SUN1: variants seen among roughly 807,000 people sequenced by gnomAD.
SUN1 encodes the protein Sad1 and UNC84 domain containing 1, also known as SUN domain-containing protein 1.
SUN1 carries 61 observed loss-of-function variants against 103.2 expected under a neutral mutation model. The ratio of observed to expected loss-of-function variants is 0.59; its 90% CI spans 0.48 to 0.73. The LOEUF (loss-of-function observed/expected upper bound fraction) is 0.73, where lower values mean the gene tolerates loss of function less well. Among genes scored for constraint, SUN1 ranks in the 30% least tolerant of loss-of-function variants. The pLI is 0.00. For synonymous variants in SUN1, 490 were observed against 425.7 expected (o/e 1.15, Z -1.86); for missense variants, 1,052 against 1,034.6 (o/e 1.02, Z -0.23).
At chr7:832,073 T>A (rs1798492441), upstream of SUN1, 1 of 993,028 alleles carries the variant, frequency 1.0e-6, no homozygotes, top group Non-Finnish European at 1.2e-6. Context: ...TAGGAACGCA[T>A]ACGCTGCTGC....
intron 14 of SUN1, among the ~76,000 whole-genome samples, chr7:860,821 T>G (rs1055238477): frequency 1.3e-4 from 20 of 152,196 alleles, no homozygotes; most frequent in African/African-American, 4.8e-4. Context: ...AGCAAAGTCG[T>G]GTCTTATATG....
intron 1 of SUN1, among the ~76,000 whole-genome samples, chr7:818,344 C>T (rs1367061709): frequency 1.3e-5 from 2 of 152,190 alleles, no homozygotes; most frequent in Non-Finnish European, 2.9e-5. Flanking sequence ...TCAGAGTTCA[C>T]GCATGTTGTA....
intron 1 of SUN1, among the ~76,000 whole-genome samples, chr7:818,565 G>C (rs1194149477): frequency 6.6e-6 from 1 of 152,190 alleles, no homozygotes; most frequent in Admixed American, 6.5e-5. Context: ...CCAAGGAATG[G>C]AGTTGCCAGG....
At chr7:866,180 A>T in intron 16 of SUN1, 113 bp downstream of exon 16, 2 of 870,844 alleles carry the variant, frequency 2.3e-6, no homozygotes, top group Non-Finnish European at 3.7e-6. Context: ...ACGTCTGTGG[A>T]ACTGGTACCA....
chr7:850,774 A>AAAAG (rs915566595), intron 5 of SUN1: 2 of 148,312 alleles, frequency 1.3e-5, no homozygotes, highest in South Asian at 4.2e-4. Context: ...AATTAAAAAA[A>AAAAG]AAAAAAAACA....
At chr7:828,113 A>T (rs1044393161), upstream of SUN1, among the ~76,000 whole-genome samples, 33 of 150,262 alleles carry the variant, frequency 2.2e-4, no homozygotes, top group Non-Finnish European at 7.4e-5. Flanking sequence ...CATGTTGCCC[A>T]GGCTGGTCTC....
At chr7:849,837 A>T (rs184834051) in intron 5 of SUN1, 3 of 1,394,706 alleles carry the variant, frequency 2.2e-6, no homozygotes. Flanking sequence ...CCCAGTTTCT[A>T]CAGACTGCCA....
chr7:830,918 G>C (rs1019119287), upstream of SUN1: 1 of 984,478 alleles, frequency 1.0e-6, no homozygotes, highest in African/African-American at 1.7e-5. Flanking sequence ...GCTGGGTTCT[G>C]CAGAAGCTGC....
rs77058871 is a variant in SUN1 at position 860,183 on chromosome 7, G to T, written c.1580G>T (p.Gly527Val). Residue 527 changes from glycine (G) to valine (V), a missense_variant, in exon 14 of 19, where the codon GGC (glycine) becomes GTC (valine). Physicochemically the swap from Gly to Val is moderately radical, Grantham distance 109 (BLOSUM62 -3). Coordinates refer to ENST00000401592, the MANE Select transcript of SUN1 (RefSeq NM_001130965.3). ...VKLLFSEDQQ[G>V]GSLEQLLQRF... ...CTCCTGTTTTCCGAAGATCAGCAAG[G>T]CGGTTCTCTGGAACAGCTGCTGCAG... 3.3e-3 allele frequency: 5,330 copies of T among 1,614,216 alleles called. 309 individuals carry two copies. The East Asian group carries it at 0.1, about 32-fold the overall frequency.
chr7:868,343 G>A, intron 16 of SUN1: 1 of 216,172 alleles, frequency 4.6e-6, no homozygotes, highest in Non-Finnish European at 9.3e-6. Flanking sequence ...GGAGGTGGGG[G>A]TGCGATCGCA....
chr7:843,869 G>A, intron 5 of SUN1: 1 of 1,316,090 alleles, frequency 7.6e-7, no homozygotes, highest in Non-Finnish European at 9.7e-7. Flanking sequence ...CTGAAGGAGT[G>A]GCTTTGGGAC....
At chr7:854,824 T>G (rs1421490773) in intron 10 of SUN1, 96 bp from the exon 11 acceptor site, 3 of 803,014 alleles carry the variant, frequency 3.7e-6, no homozygotes, top group East Asian at 2.5e-5. Context: ...GATTCTCTGA[T>G]TGTCGGTATT....
At position 874,677 on chromosome 7, in the gene SUN1, G is replaced by A. The variant is rs959834323; in HGVS notation, c.*1346G>A. ...TGTACAGATGTTTCATATATTACAG[G>A]TTACATATATAAATCAAAATTTCCT... On this transcript the variant is annotated 3_prime_UTR_variant, in exon 19 of 19. Coordinates refer to ENST00000401592, the MANE Select transcript of SUN1 (RefSeq NM_001130965.3). The A allele has an allele frequency of 1.3e-5, 2 of 152,132 alleles. No homozygotes were observed. The highest frequency in any genetic ancestry group is 6.5e-5 in the Admixed American group (1 of 15,278). The allele number at this position is 152,132 out of a possible 1,614,324, so 9.4% of individuals were successfully genotyped here.
chr7:824,655 C>T (rs559462019), intron 1 of SUN1, among the ~76,000 whole-genome samples: 8 of 152,296 alleles, frequency 5.3e-5, no homozygotes, highest in African/African-American at 1.2e-4. Context: ...ACGTGATCAT[C>T]GGTCTTCTGG....
chr7:859,165 AAAAG>A (rs951022439), intron 13 of SUN1, among the ~76,000 whole-genome samples: 3 of 151,820 alleles, frequency 2.0e-5, no homozygotes, highest in Admixed American at 6.6e-5. Flanking sequence ...AAAAAAAAAA[AAAAG>A]AAAAAGAAAA....
chr7:849,811 G>C (rs576774360), intron 5 of SUN1: 1 of 1,215,802 alleles, frequency 8.2e-7, no homozygotes. Context: ...TGACTGTCTC[G>C]TGTGTAATTG....
At chr7:829,542 T>C (rs1233107954), upstream of SUN1, among the ~76,000 whole-genome samples, 1 of 145,736 alleles carries the variant, frequency 6.9e-6, no homozygotes, top group African/African-American at 2.5e-5. Flanking sequence ...AGAAGAAAAA[T>C]AACTGGTTTT....
At chr7:871,459 T>C (rs111777753) in intron 17 of SUN1, among the ~76,000 whole-genome samples, 30,617 of 151,506 alleles carry the variant, frequency 0.2, 3,364 homozygotes, top group African/African-American at 0.24. Context: ...ACGATCTCAG[T>C]TCACTGCAAT....
chr7:861,112 G>A (rs1423676037), intron 14 of SUN1, among the ~76,000 whole-genome samples: 1 of 152,182 alleles, frequency 6.6e-6, no homozygotes, highest in East Asian at 1.9e-4. Context: ...TGGCATCTGG[G>A]GGATTTTTCT....
Sources: allele counts gnomAD v4.1 joint callset (sites outside exome capture counted in the v4.1 genomes callset), GRCh38; gene constraint gnomAD v4.1.1; transcripts MANE v1.5; gene names NCBI Gene and HGNC (gene_info 2026-07-23, HGNC 2026-07-21).